Variants in LMBR1L observed in about 807,000 individuals in gnomAD.
LMBR1L encodes the protein limb development membrane protein 1 like.
A neutral mutation model predicts 67.3 loss-of-function variants in LMBR1L; 47 were observed. That is an observed-to-expected ratio of 0.70 (90% CI 0.55 to 0.89). The LOEUF (loss-of-function observed/expected upper bound fraction) is 0.89. Ranked by LOEUF, LMBR1L falls within the 40% of genes least tolerant of loss-of-function variation. LMBR1L has a pLI of 0.00. For missense variants in LMBR1L, 533 were observed against 599.2 expected (o/e 0.89, Z 1.15); for synonymous variants, 247 against 250.3 (o/e 0.99, Z 0.13).
intron 15 of LMBR1L, 85 bp downstream of exon 15, chr12:49,100,303 G>C: frequency 9.6e-7 from 1 of 1,042,620 alleles, no homozygotes; most frequent in Non-Finnish European, 1.5e-6. Context: ...GGGAATTAGA[G>C]AAATTATGTA....
At position 49,097,997 on chromosome 12, in the gene LMBR1L, C is replaced by A. The variant is rs1939615468; in HGVS notation, c.1349G>T (p.Cys450Phe). 2.5e-6 allele frequency: 4 copies of A among 1,614,068 alleles called. No homozygotes were observed. Among genetic ancestry groups the A allele is most frequent in the Non-Finnish European group, 3.4e-6 (4 of 1,180,018 alleles). Residue 450 changes from cysteine (C) to phenylalanine (F), a missense_variant, in exon 16 of 17, where the codon TGT becomes TTT. Around this residue, in one of 3 missense-constraint regions of LMBR1L, gnomAD observed 223 missense variants for 241.2 expected, o/e 0.92. Transcript: ENST00000267102. Reference sequence around the variant, plus strand: ...AGCTGCAGTGAAGGTCTTCACCAGACAGAGTGTGGTGAGGCCTGCAAAGGC... The same window carrying A: ...AGCTGCAGTGAAGGTCTTCACCAGAAAGAGTGTGGTGAGGCCTGCAAAGGC... The part of the protein sequence containing the change: ...NAAFAGLTTL[C>F]LVKTFTAAVR...
In LMBR1L at chr12:49,110,663, C is replaced by T. The variant is rs1369639721; in HGVS notation, c.-108G>A. 3 of 917,994 alleles carry T rather than the reference C, an allele frequency of 3.3e-6. No individual in the cohort carries two copies. Among genetic ancestry groups the T allele is most frequent in the Non-Finnish European group, 5.3e-6 (3 of 566,686 alleles). 56.9% of individuals were successfully genotyped at this position (917,994 alleles called of 1,614,324 possible). A position where few individuals can be genotyped will look rare whatever the true frequency, so the allele number is the denominator to read the frequency against. ...CAGACCCAGCCTAGGGGCCTTTCCT[C>T]GCAGCCTGCGACAGAAACTCGGGGC... is the stretch of plus-strand genomic sequence containing the variant. On this transcript the variant is annotated 5_prime_UTR_variant, in exon 1 of 17. Transcript: ENST00000267102.
Position 49,100,451 on chromosome 12 carries a change from T to C in LMBR1L, c.1177A>G (p.Ile393Val). The change falls in exon 15 of 17, where the codon ATT becomes GTT. Residue 393 changes from isoleucine (I) to valine (V), a missense_variant. This residue lies in a region of LMBR1L where 223 missense variants were observed against 241.2 expected (regional missense o/e 0.92). Transcript: ENST00000267102. The part of the protein sequence containing the change: ...RWHDTAMTQI[I>V]GNCVCLLVLS... Reference sequence around the variant, plus strand: ...ACCAGGAGACAGACACAGTTCCCAATTATCTGGGTGGAAGCAGGGAAAGGA... The same window carrying C: ...ACCAGGAGACAGACACAGTTCCCAACTATCTGGGTGGAAGCAGGGAAAGGA... 1 of 1,613,784 alleles carries C rather than the reference T, an allele frequency of 6.2e-7. No individual in the cohort carries two copies. The highest frequency in any genetic ancestry group is 8.5e-7 in the Non-Finnish European group (1 of 1,179,656).
intron 1 of LMBR1L, among the ~76,000 whole-genome samples, chr12:49,107,934 G>A (rs1475559117): frequency 6.6e-6 from 1 of 152,066 alleles, no homozygotes; most frequent in African/African-American, 2.4e-5. Flanking sequence ...TTCAAGACTA[G>A]CCTGGCCAAC....
At chr12:49,100,333 ATCAG>A in intron 15 of LMBR1L, 51 bp downstream of exon 15, 5 of 1,370,614 alleles carry the variant, frequency 3.6e-6, no homozygotes, top group Middle Eastern at 1.8e-4. Flanking sequence ...CCTGCTTTGC[ATCAG>A]TAAGTACTCA....
rs1402726910 is a variant in LMBR1L at position 49,102,797 on chromosome 12, A to G, written c.696+90T>C. 5 of 1,231,834 alleles carry G rather than the reference A, an allele frequency of 4.1e-6. No homozygotes were observed. In the Admixed American group the frequency reaches 6.9e-5, roughly 17 times the overall value. 76.3% of individuals were successfully genotyped at this position (1,231,834 alleles called of 1,614,324 possible). On this transcript the variant is annotated intron_variant, in intron 8 of 16. Transcript: ENST00000267102. ...GGCTGTAGCTCTCTGCAAGTTGTGT[A>G]CTACACAACCATAGGGTTGTTTCAT... is the stretch of plus-strand genomic sequence containing the variant.
chr12:49,100,725 C>A, intron 13 of LMBR1L, 79 bp from the exon 14 acceptor site: 2 of 1,098,908 alleles, frequency 1.8e-6, no homozygotes, highest in Non-Finnish European at 2.6e-6. Context: ...TCTCTCCCAG[C>A]CCACTTCTTT....
At chr12:49,105,683 C>A (rs893316963) in intron 3 of LMBR1L, among the ~76,000 whole-genome samples, 1 of 152,190 alleles carries the variant, frequency 6.6e-6, no homozygotes, top group African/African-American at 2.4e-5. Context: ...GTGACTCAGG[C>A]CCCAGCGGAC....
intron 3 of LMBR1L, among the ~76,000 whole-genome samples, chr12:49,105,404 A>G (rs1291406853): frequency 3.3e-5 from 5 of 152,196 alleles, no homozygotes; most frequent in African/African-American, 1.2e-4. Flanking sequence ...TATATTGAAG[A>G]TGGGCACTTC....
intron 1 of LMBR1L, chr12:49,110,241 G>C: frequency 1.8e-6 from 1 of 553,994 alleles, no homozygotes; most frequent in Non-Finnish European, 3.2e-6. Context: ...GGAGGGAGGG[G>C]CAGGGGAGGG....
intron 2 of LMBR1L, 61 bp from the exon 3 acceptor site, chr12:49,106,018 G>T: frequency 6.9e-7 from 1 of 1,446,538 alleles, no homozygotes; most frequent in Non-Finnish European, 9.6e-7. Context: ...CTCTGAGGCC[G>T]TTAGTATTAC....
At position 49,103,081 on chromosome 12, in the gene LMBR1L, G is replaced by A. The variant is rs755140848; in HGVS notation, c.631+10C>T. 2 of 1,613,414 alleles carry A rather than the reference G, an allele frequency of 1.2e-6. No homozygotes were observed. The highest frequency in any genetic ancestry group is 4.5e-5 in the East Asian group (2 of 44,890). On this transcript the variant is annotated intron_variant, in intron 7 of 16. Coordinates refer to ENST00000267102, the MANE Select transcript of LMBR1L (RefSeq NM_018113.4). ...CCCTGCCCATTCCCTCCCAGACCCT[G>A]TACACTCACCCAGGAGCAGCAGAAC...
chr12:49,103,210 C>G (rs1433222132), intron 6 of LMBR1L, 51 bp from the exon 7 acceptor site: 4 of 1,509,076 alleles, frequency 2.7e-6, no homozygotes, highest in Non-Finnish European at 3.7e-6. Flanking sequence ...TACTTACTGT[C>G]CCCAGGCTGA....
intron 1 of LMBR1L, among the ~76,000 whole-genome samples, chr12:49,107,415 A>T (rs1941046085): frequency 6.6e-6 from 1 of 152,224 alleles, no homozygotes. Flanking sequence ...AACCAGAGGG[A>T]ATTTACTCCG....
At chr12:49,110,214 G>A in intron 1 of LMBR1L, 1 of 526,838 alleles carries the variant, frequency 1.9e-6, no homozygotes, top group East Asian at 3.5e-5. Context: ...ACAGGAAGAC[G>A]CGCTGGGTGA....
At chr12:49,102,412 T>G in intron 9 of LMBR1L, 36 bp from the exon 10 acceptor site, 1 of 1,613,632 alleles carries the variant, frequency 6.2e-7, no homozygotes, top group Non-Finnish European at 8.5e-7. Flanking sequence ...TCTCAAGTCC[T>G]GCAGTTTCTG....
chr12:49,104,772 T>A lies in LMBR1L; in HGVS notation c.305A>T (p.Gln102Leu). The A allele has an allele frequency of 1.9e-6, 3 of 1,613,732 alleles. 1 individual carries two copies. The highest frequency in any genetic ancestry group is 1.7e-4 in the Middle Eastern group (1 of 6,048). The change falls in exon 4 of 17, where the codon CAG becomes CTG. Residue 102 changes from glutamine (Q) to leucine (L), a missense_variant. This residue lies in a region of LMBR1L where 246 missense variants were observed against 249.0 expected (regional missense o/e 0.99). Coordinates refer to ENST00000267102, the MANE Select transcript of LMBR1L (RefSeq NM_018113.4). ...LLSLPRNYYI[Q>L]WLNGSLIHGL... ...ATGGATGAGGGAGCCGTTGAGCCAC[T>A]GGATGTAGTAGTTCCGAGGCAGGGA...
intron 3 of LMBR1L, 48 bp from the exon 4 acceptor site, chr12:49,104,933 C>G (rs748126862): frequency 1.6e-5 from 25 of 1,569,062 alleles, no homozygotes; most frequent in Middle Eastern, 4.3e-4. Flanking sequence ...GCACTCACTA[C>G]CCTGTGCTGA....
chr12:49,100,399 G>C lies in LMBR1L; in HGVS notation c.1229C>G (p.Ser410Cys). ...LVLSSALPVF[S>C]RTLGLTRFDL... ...CTTTCAATACTTACCCAGGGTTCGA[G>C]AGAAGACAGGAAGTGCTGAGCTTAG... Residue 410 changes from serine to cysteine, a missense_variant, in exon 15 of 17, where the codon TCT becomes TGT. Coordinates refer to ENST00000267102, the MANE Select transcript of LMBR1L (RefSeq NM_018113.4). The C allele has an allele frequency of 2.5e-6, 4 of 1,613,396 alleles. No homozygotes were observed. Among genetic ancestry groups the C allele is most frequent in the Non-Finnish European group, 3.4e-6 (4 of 1,179,278 alleles).
Sources: allele counts gnomAD v4.1 joint callset (sites outside exome capture counted in the v4.1 genomes callset), GRCh38; gene constraint gnomAD v4.1.1; regional missense constraint gnomAD v4.1.1; transcripts MANE v1.5; gene names NCBI Gene and HGNC (gene_info 2026-07-23, HGNC 2026-07-21).